The following RASSF8 variants were observed in gnomAD, a reference collection of about 807,000 sequenced individuals.
RASSF8 encodes ras association domain-containing protein 8.
RASSF8 carries 22 observed loss-of-function variants against 48.5 expected under a neutral mutation model. The ratio of observed to expected loss-of-function variants is 0.45; its 90% confidence interval spans 0.32 to 0.65. The LOEUF is 0.65. Ranked by LOEUF, RASSF8 falls within the 30% of genes least tolerant of loss-of-function variation. The pLI is 0.03. For synonymous variants in RASSF8, 127 were observed against 171.5 expected, an observed-to-expected ratio of 0.74 and a Z score of 2.03; for missense variants, 418 against 489.2, an observed-to-expected ratio of 0.85 and a Z score of 1.37.
intron 1 of RASSF8, among the ~76,000 whole-genome samples, chr12:25,962,463 T>A (rs76205246): frequency 0.086 from 13,132 of 152,276 alleles, 625 homozygotes; most frequent in Middle Eastern, 0.15. Flanking sequence ...TCACTTAGGG[T>A]CCTTTTCTTG....
rs11343990 is a variant in RASSF8, at chr12:26,071,814, T to TA, written c.*3006dup. 1.1e-3 allele frequency: 1,034 copies of TA among 951,134 alleles called. No individual in the cohort carries two copies. The highest frequency in any genetic ancestry group is 1.2e-3 in the Non-Finnish European group (970 of 799,528). The allele number at this position is 951,134 out of a possible 1,614,324, so 58.9% of individuals were successfully genotyped here. On this transcript the variant is annotated 3_prime_UTR_variant, in exon 6 of 6. Coordinates refer to ENST00000689635, the MANE Select transcript of RASSF8 (RefSeq NM_001394098.1). ...TAGAGTAAAAACTATATAAATACAG[T>TA]AAAAAAAAAATAGAATTTATGGTGT...
intron 1 of RASSF8, among the ~76,000 whole-genome samples, chr12:25,986,926 TTTTGTTTG>T (rs1555160451): frequency 2.7e-5 from 4 of 146,700 alleles, no homozygotes; most frequent in Middle Eastern, 7.0e-3. Context: ...CGTTTTTTTT[TTTTGTTTG>T]TTTGTTTGTT....
At chr12:26,076,373 G>A (rs1469722002), downstream of RASSF8, among the ~76,000 whole-genome samples, 3 of 151,772 alleles carry the variant, frequency 2.0e-5, no homozygotes, top group Non-Finnish European at 4.4e-5. Flanking sequence ...CCATTAACTC[G>A]TCATTTACAT....
intron 2 of RASSF8, among the ~76,000 whole-genome samples, chr12:26,006,006 C>T (rs910316201): frequency 6.6e-6 from 1 of 152,120 alleles, no homozygotes; most frequent in Admixed American, 6.5e-5. Context: ...AACGTTAAAC[C>T]TTTCTCTTCC....
At chr12:26,023,219 G>A (rs1739449775) in intron 2 of RASSF8, among the ~76,000 whole-genome samples, 1 of 151,970 alleles carries the variant, frequency 6.6e-6, no homozygotes, top group African/African-American at 2.4e-5. Flanking sequence ...CAAGGAGAGA[G>A]GGAAGAAAAA....
chr12:25,960,959 A>G (rs925329450), intron 1 of RASSF8, among the ~76,000 whole-genome samples: 1 of 152,206 alleles, frequency 6.6e-6, no homozygotes, highest in Non-Finnish European at 1.5e-5. Flanking sequence ...TTTGGTTCAG[A>G]TATTTGGTAA....
At chr12:25,988,659 T>C (rs1228490086) in intron 1 of RASSF8, among the ~76,000 whole-genome samples, 1 of 152,238 alleles carries the variant, frequency 6.6e-6, no homozygotes, top group Non-Finnish European at 1.5e-5. Context: ...CCACCTGCAC[T>C]GCCAGTTCAG....
chr12:25,989,804 AATT>A (rs1356165026), intron 1 of RASSF8, among the ~76,000 whole-genome samples: 8 of 152,126 alleles, frequency 5.3e-5, no homozygotes, highest in African/African-American at 1.9e-4. Context: ...GGGGTGGAGG[AATT>A]ATGGTAGAGA....
chr12:26,003,842 T>C (rs1314120493), intron 2 of RASSF8, among the ~76,000 whole-genome samples: 2 of 152,146 alleles, frequency 1.3e-5, no homozygotes, highest in African/African-American at 2.4e-5. Flanking sequence ...TAAAAATACA[T>C]ATATGTATTT....
downstream of RASSF8, among the ~76,000 whole-genome samples, chr12:26,073,746 T>TCTACACACACACAC (rs10678881): frequency 2.2e-5 from 1 of 46,348 alleles, no homozygotes; most frequent in African/African-American, 8.9e-5. Context: ...TCTCTCTCTC[T>TCTACACACACACAC]ATACACACAC....
At chr12:26,051,488 G>T (rs185921557) in intron 2 of RASSF8, among the ~76,000 whole-genome samples, 2 of 152,174 alleles carry the variant, frequency 1.3e-5, no homozygotes, top group Admixed American at 1.3e-4. Flanking sequence ...TCTGTTTAAA[G>T]ATAACTTATT....
chr12:26,017,715 G>A (rs1942684474), intron 2 of RASSF8, among the ~76,000 whole-genome samples: 1 of 152,216 alleles, frequency 6.6e-6, no homozygotes. Flanking sequence ...TTTGCTGCAG[G>A]ACCTGCAGAC....
chr12:26,026,923 G>A (rs1009519804), intron 2 of RASSF8, among the ~76,000 whole-genome samples: 1 of 152,102 alleles, frequency 6.6e-6, no homozygotes, highest in Non-Finnish European at 1.5e-5. Flanking sequence ...TAAAATATAT[G>A]TCCATGCAAA....
chr12:26,040,275 C>A (rs759145917), intron 2 of RASSF8, among the ~76,000 whole-genome samples: 51 of 152,242 alleles, frequency 3.3e-4, no homozygotes, highest in African/African-American at 6.5e-4. Context: ...TGGGTTGGAA[C>A]CAGAAAATTT....
chr12:26,038,139 T>C lies in RASSF8; in HGVS notation c.-108-17097T>C, dbSNP rs561316729. Among the ~76,000 whole-genome samples, 28 of 152,320 alleles carry C rather than the reference T, an allele frequency of 1.8e-4. No homozygotes were observed. The East Asian group carries it at 5.4e-3, about 29-fold the overall frequency. On this transcript the variant is annotated intron_variant, in intron 2 of 5. Coordinates refer to ENST00000689635, the MANE Select transcript of RASSF8 (RefSeq NM_001394098.1). ...CGTGTTGTGTATGCTTTGGATGAACTAATGGCACTGTGATAAAATAGTTTG... is the reference window on the plus strand; with the variant it reads ...CGTGTTGTGTATGCTTTGGATGAACCAATGGCACTGTGATAAAATAGTTTG...
At chr12:26,050,962 T>C (rs1317773109) in intron 2 of RASSF8, among the ~76,000 whole-genome samples, 1 of 152,210 alleles carries the variant, frequency 6.6e-6, no homozygotes, top group Non-Finnish European at 1.5e-5. Context: ...TCCAGGTGAT[T>C]AAAGATAAGA....
intron 5 of RASSF8, 89 bp from the exon 6 acceptor site, chr12:26,068,608 T>G: frequency 1.9e-6 from 2 of 1,061,050 alleles, no homozygotes; most frequent in South Asian, 1.4e-5. Context: ...AGTTTTCCCT[T>G]TTGGGGTAGG....
Position 26,071,584 on chromosome 12 carries a change from T to C in RASSF8, c.*2766T>C. The stretch of plus-strand genomic sequence containing the variant: ...TAGTGTGTTGCCTGTGGACATAGTG[T>C]CCATAGTCCCTTTCTTGTCCTTCTG... On this transcript the variant is annotated 3_prime_UTR_variant, in exon 6 of 6. Transcript: ENST00000689635. The C allele has an allele frequency of 1.0e-6, 1 of 984,888 alleles. No individual in the cohort carries two copies. Among genetic ancestry groups the C allele is most frequent in the Non-Finnish European group, 1.2e-6 (1 of 829,452 alleles). The allele number at this position is 984,888 out of a possible 1,614,324, so 61.0% of individuals were successfully genotyped here.
chr12:26,049,982 C>G (rs1278001096), intron 2 of RASSF8, among the ~76,000 whole-genome samples: 2 of 151,980 alleles, frequency 1.3e-5, no homozygotes, highest in Admixed American at 6.6e-5. Context: ...GACAGGGTTT[C>G]GTGTGTTAGT....
Sources: allele counts gnomAD v4.1 joint callset (sites outside exome capture counted in the v4.1 genomes callset), GRCh38; gene constraint gnomAD v4.1.1; transcripts MANE v1.5; gene names NCBI Gene and HGNC (gene_info 2026-07-23, HGNC 2026-07-21).